The following WWP1 variants were observed in gnomAD, a reference collection of about 807,000 sequenced individuals.
The protein encoded by WWP1 is WW domain containing E3 ubiquitin protein ligase 1, also known as NEDD4-like E3 ubiquitin-protein ligase WWP1.
In WWP1, 49 loss-of-function variants were observed where a neutral mutation model predicts 130.6. The ratio of observed to expected loss-of-function variants is 0.38; its 90% CI spans 0.30 to 0.48. The LOEUF is 0.48. Ranked by LOEUF, WWP1 falls within the 20% of genes least tolerant of loss-of-function variation. The pLI is 0.99. For synonymous variants in WWP1, 332 were observed against 367.8 expected, an observed-to-expected ratio of 0.90 and a Z score of 1.11; for missense variants, 809 against 1,100.6, an observed-to-expected ratio of 0.74 and a Z score of 3.75.
At chr8:86,463,469 G>C (rs1811875120) in intron 24 of WWP1, among the ~76,000 whole-genome samples, 1 of 151,836 alleles carries the variant, frequency 6.6e-6, no homozygotes, top group Non-Finnish European at 1.5e-5. Context: ...ACCACGCCCA[G>C]CTAATTTTGT....
chr8:86,433,760 A>G (rs959040010), intron 14 of WWP1, among the ~76,000 whole-genome samples: 2 of 152,134 alleles, frequency 1.3e-5, no homozygotes, highest in Non-Finnish European at 2.9e-5. Context: ...CCTGGCCAAC[A>G]TGGTAAAATT....
At chr8:86,379,806 A>C (rs542757189) in intron 3 of WWP1, among the ~76,000 whole-genome samples, 4 of 152,242 alleles carry the variant, frequency 2.6e-5, no homozygotes, top group African/African-American at 9.6e-5. Flanking sequence ...AGACAAGTTA[A>C]TAGTACCTGG....
intron 1 of WWP1, among the ~76,000 whole-genome samples, chr8:86,353,523 C>CA (rs1032655580): frequency 6.6e-6 from 1 of 151,846 alleles, no homozygotes; most frequent in African/African-American, 2.4e-5. Context: ...GACGGAGTCT[C>CA]ACTCTGTTGC....
chr8:86,399,461 T>C (rs1024245754), intron 7 of WWP1, among the ~76,000 whole-genome samples: 2 of 152,246 alleles, frequency 1.3e-5, no homozygotes, highest in East Asian at 3.8e-4. Flanking sequence ...TAAAAATATA[T>C]TGTGGTAAAA....
intron 9 of WWP1, among the ~76,000 whole-genome samples, chr8:86,420,654 T>C (rs1809150489): frequency 6.6e-6 from 1 of 152,140 alleles, no homozygotes; most frequent in Non-Finnish European, 1.5e-5. Flanking sequence ...AAAAATGGAC[T>C]GAAACAGTTG....
chr8:86,405,232 A>C (rs192621868), intron 8 of WWP1: 2 of 152,152 alleles, frequency 1.3e-5, no homozygotes, highest in Admixed American at 6.5e-5. Context: ...TGGAGATGGG[A>C]TAGGGGTGTG....
chr8:86,461,106 A>G, intron 22 of WWP1, 118 bp from the exon 23 acceptor site: 2 of 957,420 alleles, frequency 2.1e-6, no homozygotes, highest in Non-Finnish European at 3.1e-6. Flanking sequence ...ACCACGCCCA[A>G]CCTTTAGCAC....
At chr8:86,447,792 C>T (rs952349539) in intron 18 of WWP1, among the ~76,000 whole-genome samples, 5 of 152,028 alleles carry the variant, frequency 3.3e-5, no homozygotes, top group East Asian at 1.9e-4. Context: ...AAGAAACGAA[C>T]GAGAGAGCTG....
At chr8:86,466,416 A>AGCTTATCAGCTAGTT (rs1812138083) in intron 24 of WWP1, among the ~76,000 whole-genome samples, 1 of 152,182 alleles carries the variant, frequency 6.6e-6, no homozygotes, top group African/African-American at 2.4e-5. Flanking sequence ...AGTTATATAA[A>AGCTTATCAGCTAGTT]AAATTCTCGG....
intron 18 of WWP1, 148 bp downstream of exon 18, chr8:86,442,926 A>AT: frequency 1.4e-6 from 1 of 734,400 alleles, no homozygotes; most frequent in East Asian, 3.1e-5. Flanking sequence ...GTAAAAATAT[A>AT]TTTTTTGAGT....
chr8:86,419,145 C>T (rs535780077), intron 9 of WWP1, among the ~76,000 whole-genome samples: 4 of 152,262 alleles, frequency 2.6e-5, no homozygotes, highest in South Asian at 2.1e-4. Context: ...TAGGGCTGGG[C>T]GCGGTGGCTC....
At chr8:86,424,358 C>T (rs927885393) in intron 9 of WWP1, among the ~76,000 whole-genome samples, 6 of 141,708 alleles carry the variant, frequency 4.2e-5, no homozygotes, top group East Asian at 2.2e-4. Flanking sequence ...ACATCCCAGA[C>T]GATGGGCGGC....
intron 9 of WWP1, among the ~76,000 whole-genome samples, chr8:86,423,760 G>A (rs1055188933): frequency 4.6e-5 from 7 of 151,414 alleles, no homozygotes; most frequent in African/African-American, 1.5e-4. Flanking sequence ...ACGGGGTGGC[G>A]GCCGGGCAGA....
chr8:86,380,022 A>C lies in WWP1; in HGVS notation c.71-704A>C, dbSNP rs913652319. On this transcript the variant is annotated intron_variant, in intron 3 of 24. Transcript: ENST00000517970. The stretch of plus-strand genomic sequence containing the variant: ...CTACTCCAAAGTATATGCCCAAGAG[A>C]AATGAAAACATACGTCCACAAAAAA... Among the ~76,000 whole-genome samples the C allele has an allele frequency of 4.6e-5, 7 of 152,326 alleles. 1 individual carries two copies. Among genetic ancestry groups the C allele is most frequent in the Non-Finnish European group, 7.3e-5 (5 of 68,030 alleles).
intron 1 of WWP1, among the ~76,000 whole-genome samples, chr8:86,357,006 TG>T (rs1288348179): frequency 8.5e-5 from 13 of 152,192 alleles, no homozygotes; most frequent in African/African-American, 2.9e-4. Flanking sequence ...GAAAATAAAA[TG>T]GTTTGTATAC....
At chr8:86,358,906 G>GA (rs984405269) in intron 1 of WWP1, among the ~76,000 whole-genome samples, 3 of 151,980 alleles carry the variant, frequency 2.0e-5, no homozygotes, top group East Asian at 3.9e-4. Context: ...GAGAGATAGA[G>GA]AAAAAAACAT....
In WWP1 at chr8:86,427,663, A is replaced by T. The variant is rs1809708321; in HGVS notation, c.1178A>T (p.Asp393Val). Residue 393 changes from aspartate (D) to valine (V), a missense_variant, in exon 11 of 25, where the codon GAT becomes GTT. Physicochemically the swap from Asp to Val is radical, Grantham distance 152. This residue lies in a region of WWP1 where 450 missense variants were observed against 674.2 expected (regional missense o/e 0.67). Coordinates refer to ENST00000517970, the MANE Select transcript of WWP1 (RefSeq NM_007013.4). ...LPPGWERRVD[D>V]RRRVYYVDHN... is the part of the protein sequence containing the mutation. ...GGTAGTTGGGAAAGAAGAGTTGATGATCGTAGAAGAGTTTATTATGTGGAT... is the reference window on the plus strand; with the variant it reads ...GGTAGTTGGGAAAGAAGAGTTGATGTTCGTAGAAGAGTTTATTATGTGGAT... 1 of 1,608,732 alleles carries T rather than the reference A, an allele frequency of 6.2e-7. No individual in the cohort carries two copies. Among genetic ancestry groups the T allele is most frequent in the African/African-American group, 1.3e-5 (1 of 74,782 alleles).
intron 8 of WWP1, among the ~76,000 whole-genome samples, chr8:86,407,035 T>C (rs544704352): frequency 2.0e-5 from 3 of 152,306 alleles, no homozygotes; most frequent in Admixed American, 2.0e-4. Context: ...GGAAGCTATG[T>C]CTTGTAACCC....
At chr8:86,466,116 C>G (rs1286995546) in intron 24 of WWP1, among the ~76,000 whole-genome samples, 1 of 152,198 alleles carries the variant, frequency 6.6e-6, no homozygotes, top group African/African-American at 2.4e-5. Flanking sequence ...AATCTAGCTA[C>G]TCAGTGCTGT....
Sources: gnomAD v4.1 joint callset for allele counts (sites outside exome capture counted in the v4.1 genomes callset) on GRCh38, gnomAD v4.1.1 for gene constraint, gnomAD v4.1.1 regional missense constraint, MANE v1.5 for transcripts, NCBI Gene and HGNC (gene_info 2026-07-23, HGNC 2026-07-21) for gene names.